STXBP5L: variants seen among roughly 807,000 people sequenced by gnomAD.
STXBP5L encodes syntaxin binding protein 5L.
In STXBP5L, 65 loss-of-function variants were observed where a neutral mutation model predicts 144.5. That is an observed-to-expected ratio of 0.45 (90% CI 0.37 to 0.55). The LOEUF is 0.55. Ranked by LOEUF, STXBP5L falls within the 20% of genes least tolerant of loss-of-function variation. The pLI, the probability that STXBP5L is intolerant of heterozygous loss-of-function variation, is 0.00. For synonymous variants in STXBP5L, 505 were observed against 469.6 expected, an observed-to-expected ratio of 1.08 and a Z score of -0.97; for missense variants, 1,298 against 1,405.5, an observed-to-expected ratio of 0.92 and a Z score of 1.22.
chr3:121,350,701 T>C (rs1161488180), intron 20 of STXBP5L, among the ~76,000 whole-genome samples: 3 of 152,174 alleles, frequency 2.0e-5, no homozygotes, highest in Admixed American at 6.5e-5. Flanking sequence ...TCACTTCATT[T>C]CATTCATTTG....
At chr3:120,914,650 GA>G (rs1559868875) in intron 2 of STXBP5L, among the ~76,000 whole-genome samples, 1 of 152,034 alleles carries the variant, frequency 6.6e-6, no homozygotes, top group Non-Finnish European at 1.5e-5. Context: ...TTGCAACTGA[GA>G]TTGGGAAAAG....
chr3:121,294,403 T>C (rs1346012829), intron 19 of STXBP5L, among the ~76,000 whole-genome samples: 1 of 152,174 alleles, frequency 6.6e-6, no homozygotes, highest in Non-Finnish European at 1.5e-5. Context: ...AGGGGGCATG[T>C]GGTGGTAGGA....
intron 5 of STXBP5L, among the ~76,000 whole-genome samples, chr3:121,052,060 A>T (rs1948050784): frequency 6.6e-6 from 1 of 152,214 alleles, no homozygotes; most frequent in African/African-American, 2.4e-5. Flanking sequence ...ATAGACCAAT[A>T]AGAGGTTCTG....
rs192347822 is a variant in STXBP5L, at chr3:121,137,808, C to T, written c.670-14669C>T. Among the ~76,000 whole-genome samples, 173 of 152,202 alleles carry T rather than the reference C, an allele frequency of 1.1e-3. 1 individual carries two copies. In the Middle Eastern group the frequency reaches 0.014, roughly 12 times the overall value. ...CCAATAAGGGCCACAATTGACAAGA[C>T]CCACAGCTAACCTCATACTGAATGG... On this transcript the variant is annotated intron_variant, in intron 7 of 26. Coordinates refer to ENST00000471454, the MANE Select transcript of STXBP5L (RefSeq NM_001308330.2).
chr3:120,935,292 G>A (rs1376545216), intron 2 of STXBP5L, among the ~76,000 whole-genome samples: 1 of 150,670 alleles, frequency 6.6e-6, no homozygotes, highest in Non-Finnish European at 1.5e-5. Flanking sequence ...AGTATTTCCA[G>A]TTTTTTCCTC....
chr3:121,127,969 C>T (rs1017742969), intron 7 of STXBP5L, among the ~76,000 whole-genome samples: 2 of 151,998 alleles, frequency 1.3e-5, no homozygotes, highest in African/African-American at 2.4e-5. Context: ...TCATTACATC[C>T]AGGCAAAGAA....
intron 20 of STXBP5L, among the ~76,000 whole-genome samples, chr3:121,323,524 T>C (rs1174196391): frequency 6.6e-6 from 1 of 152,168 alleles, no homozygotes; most frequent in Non-Finnish European, 1.5e-5. Context: ...GAAGAATCCA[T>C]TGAGTCAAAT....
chr3:121,018,707 C>A (rs901704671), intron 3 of STXBP5L, among the ~76,000 whole-genome samples: 1 of 152,060 alleles, frequency 6.6e-6, no homozygotes, highest in Non-Finnish European at 1.5e-5. Context: ...AGAAAAGAAT[C>A]GGTAACTTGG....
In STXBP5L at chr3:121,041,766, A is replaced by G. The variant is rs1419436124; in HGVS notation, c.354A>G (p.Gln118=). Residue 118 remains glutamine, a synonymous_variant, in exon 4 of 27, where the codon CAA becomes CAG. Transcript: ENST00000471454. ...HESGAAVLQL[Q]FLINEGALVS... is the part of the protein sequence containing the mutation. Reference sequence around the variant, plus strand: ...GTGGTGCAGCTGTCCTACAGCTCCAATTTTTGATCAATGAGGTAAGGATTA... The same window carrying G: ...GTGGTGCAGCTGTCCTACAGCTCCAGTTTTTGATCAATGAGGTAAGGATTA... The G allele has an allele frequency of 9.9e-6, 16 of 1,612,364 alleles. No individual in the cohort carries two copies. The highest frequency in any genetic ancestry group is 1.4e-5 in the Non-Finnish European group (16 of 1,178,832).
intron 9 of STXBP5L, among the ~76,000 whole-genome samples, chr3:121,190,961 C>T (rs2047648748): frequency 6.6e-6 from 1 of 151,358 alleles, no homozygotes; most frequent in Non-Finnish European, 1.5e-5. Flanking sequence ...GGCAGAGGTG[C>T]TCCCCACATC....
intron 5 of STXBP5L, among the ~76,000 whole-genome samples, chr3:121,052,854 C>G (rs1046278943): frequency 9.2e-5 from 14 of 152,170 alleles, no homozygotes; most frequent in Admixed American, 9.2e-4. Flanking sequence ...ACCCCATTGT[C>G]TCAGCCCAAA....
intron 5 of STXBP5L, among the ~76,000 whole-genome samples, chr3:121,073,716 C>T (rs2107669379): frequency 6.6e-6 from 1 of 152,286 alleles, no homozygotes; most frequent in East Asian, 1.9e-4. Context: ...TCCCCCCTGC[C>T]CCCGCCCCAG....
chr3:121,126,822 T>C (rs1187114720), intron 7 of STXBP5L, among the ~76,000 whole-genome samples: 2 of 152,216 alleles, frequency 1.3e-5, no homozygotes, highest in African/African-American at 4.8e-5. Flanking sequence ...TTAGTAATTC[T>C]AGAAGATAAT....
intron 7 of STXBP5L, among the ~76,000 whole-genome samples, chr3:121,135,026 T>C (rs2045181628): frequency 6.6e-6 from 1 of 152,206 alleles, no homozygotes; most frequent in African/African-American, 2.4e-5. Context: ...CCACCAACAG[T>C]GTAAAAGTGT....
At chr3:120,929,424 AT>A (rs533482136) in intron 2 of STXBP5L, among the ~76,000 whole-genome samples, 8 of 151,118 alleles carry the variant, frequency 5.3e-5, no homozygotes, top group East Asian at 3.9e-4. Flanking sequence ...TTTACATCCT[AT>A]TTTTTTTCAC....
chr3:120,956,789 C>A (rs771044395), intron 3 of STXBP5L, among the ~76,000 whole-genome samples: 1 of 151,984 alleles, frequency 6.6e-6, no homozygotes, highest in East Asian at 1.9e-4. Context: ...TACATTTTCA[C>A]CAATAGTAAT....
intron 23 of STXBP5L, 113 bp downstream of exon 23, chr3:121,407,716 G>T (rs2047026825): frequency 3.0e-6 from 4 of 1,342,440 alleles, no homozygotes; most frequent in Non-Finnish European, 4.0e-6. Context: ...TGAGATTATT[G>T]TTTCATTATG....
At chr3:121,372,117 T>C (rs554756963) in intron 20 of STXBP5L, among the ~76,000 whole-genome samples, 5 of 152,230 alleles carry the variant, frequency 3.3e-5, no homozygotes, top group Admixed American at 3.3e-4. Context: ...GGCACTCTGC[T>C]GGAGCACTCT....
intron 9 of STXBP5L, among the ~76,000 whole-genome samples, chr3:121,204,016 G>T (rs1393019486): frequency 6.6e-6 from 1 of 152,112 alleles, no homozygotes; most frequent in Non-Finnish European, 1.5e-5. Flanking sequence ...AGAACAGGTG[G>T]ATCACGAGGT....
Sources: allele counts gnomAD v4.1 joint callset (sites outside exome capture counted in the v4.1 genomes callset), GRCh38; gene constraint gnomAD v4.1.1; transcripts MANE v1.5; gene names NCBI Gene and HGNC (gene_info 2026-07-23, HGNC 2026-07-21).